Variants in ERI1 observed in about 807,000 individuals in gnomAD.
The protein encoded by ERI1 is exoribonuclease 1, also known as 3'-5' exoribonuclease 1.
ERI1 carries 39 observed loss-of-function variants against 39.7 expected under a neutral mutation model. That is an observed-to-expected ratio of 0.98 (90% confidence interval 0.76 to 1.28). The LOEUF (loss-of-function observed/expected upper bound fraction) is 1.28. ERI1 is among the 50% of genes most tolerant of loss of function. The pLI, the probability that ERI1 is intolerant of heterozygous loss-of-function variation, is 0.00. For synonymous variants in ERI1, 204 were observed against 149.6 expected, an observed-to-expected ratio of 1.36 and a Z score of -2.65; for missense variants, 581 against 416.9, an observed-to-expected ratio of 1.39 and a Z score of -3.43.
chr8:9,045,635 TAA>T (rs1798150065), intron 3 of ERI1, among the ~76,000 whole-genome samples: 1 of 151,848 alleles, frequency 6.6e-6, no homozygotes, highest in Non-Finnish European at 1.5e-5. Flanking sequence ...CTATTTGTAT[TAA>T]AATATAAATA....
intron 3 of ERI1, among the ~76,000 whole-genome samples, chr8:9,085,879 T>C (rs1799508343): frequency 6.6e-6 from 1 of 152,168 alleles, no homozygotes; most frequent in African/African-American, 2.4e-5. Flanking sequence ...AACTTGTTAA[T>C]GGCAGTCTCC....
intron 3 of ERI1, among the ~76,000 whole-genome samples, chr8:9,064,631 G>C (rs1441264752): frequency 6.6e-6 from 1 of 152,214 alleles, no homozygotes; most frequent in Non-Finnish European, 1.5e-5. Context: ...AAGAGAGTAA[G>C]AAGAGGCTGC....
At chr8:9,069,223 C>G (rs1174181841) in intron 3 of ERI1, among the ~76,000 whole-genome samples, 1 of 152,192 alleles carries the variant, frequency 6.6e-6, no homozygotes, top group Non-Finnish European at 1.5e-5. Flanking sequence ...AATTCACAAT[C>G]CCATTAGGAA....
At chr8:9,076,799 C>T (rs901729543) in intron 3 of ERI1, among the ~76,000 whole-genome samples, 4 of 152,236 alleles carry the variant, frequency 2.6e-5, no homozygotes, top group African/African-American at 9.6e-5. Flanking sequence ...TAGGGGGAAG[C>T]GGGGATGTGT....
At chr8:9,051,279 T>C (rs1171527433) in intron 3 of ERI1, among the ~76,000 whole-genome samples, 2 of 152,078 alleles carry the variant, frequency 1.3e-5, no homozygotes, top group Non-Finnish European at 2.9e-5. Context: ...GTGGGGACTC[T>C]GTGGAGTCCT....
At chr8:9,081,232 A>G (rs1420993734) in intron 3 of ERI1, among the ~76,000 whole-genome samples, 2 of 152,218 alleles carry the variant, frequency 1.3e-5, no homozygotes, top group African/African-American at 2.4e-5. Context: ...CTGTTGACAC[A>G]TGGGGATTAC....
At chr8:9,009,002 C>G (rs966940987) in intron 2 of ERI1, 1 of 456,140 alleles carries the variant, frequency 2.2e-6, no homozygotes, top group Middle Eastern at 3.3e-4. Context: ...ATTTTTGACT[C>G]CTATTTCCCC....
At chr8:9,033,456 G>C (rs1797727524), downstream of ERI1, 1 of 152,156 alleles carries the variant, frequency 6.6e-6, no homozygotes, top group Non-Finnish European at 1.5e-5. Flanking sequence ...ACTACTGTCT[G>C]GCCCTTTATG....
intron 3 of ERI1, among the ~76,000 whole-genome samples, chr8:9,041,085 C>G (rs550752427): frequency 1.3e-5 from 2 of 152,232 alleles, no homozygotes; most frequent in East Asian, 1.9e-4. Context: ...CGCTGCACTT[C>G]TGCTCGCCTG....
intron 2 of ERI1, chr8:9,008,914 T>A (rs1165320840): frequency 9.3e-6 from 4 of 430,348 alleles, no homozygotes; most frequent in Non-Finnish European, 1.9e-5. Flanking sequence ...GTATTCTTCC[T>A]CTTTAGAGTT....
At chr8:9,093,167 G>C (rs1017736234) in intron 3 of ERI1, among the ~76,000 whole-genome samples, 1 of 152,162 alleles carries the variant, frequency 6.6e-6, no homozygotes, top group Admixed American at 6.5e-5. Context: ...CCAATCTTTT[G>C]ACTTCCCTGG....
At chr8:9,049,400 A>AC (rs1471540286) in intron 3 of ERI1, among the ~76,000 whole-genome samples, 4 of 151,428 alleles carry the variant, frequency 2.6e-5, no homozygotes, top group Non-Finnish European at 5.9e-5. Flanking sequence ...AATGGTGAAA[A>AC]AAAAATGTCA....
intron 3 of ERI1, among the ~76,000 whole-genome samples, chr8:9,095,934 C>T (rs1799864833): frequency 6.6e-6 from 1 of 152,196 alleles, no homozygotes; most frequent in South Asian, 2.1e-4. Context: ...GCCCTCGCCG[C>T]CTAGCTGCAG....
intron 3 of ERI1, among the ~76,000 whole-genome samples, chr8:9,066,219 C>G (rs995515537): frequency 6.6e-6 from 1 of 152,146 alleles, no homozygotes; most frequent in Non-Finnish European, 1.5e-5. Context: ...CCTCATCTCC[C>G]CATTTTCTTC....
At chr8:9,067,943 C>A (rs919463982) in intron 3 of ERI1, among the ~76,000 whole-genome samples, 12 of 151,630 alleles carry the variant, frequency 7.9e-5, no homozygotes, top group Non-Finnish European at 1.5e-4. Context: ...CACACACACA[C>A]ATATATGTAT....
At position 9,009,650 on chromosome 8, in the gene ERI1, G is replaced by C. The variant is rs538488612; in HGVS notation, c.287+1502G>C. 7.7e-4 allele frequency among the ~76,000 whole-genome samples: 117 copies of C among 151,980 alleles called. 1 individual carries two copies. Among genetic ancestry groups the C allele is most frequent in the South Asian group, 5.2e-3 (25 of 4,810 alleles). ...CGACTCCTGGATTCAAGCGATTCTC[G>C]TGCCTCAGCCTCCTGAGTAGCTCGG... is the stretch of plus-strand genomic sequence containing the variant. On this transcript the variant is annotated intron_variant, in intron 2 of 6. Coordinates refer to ENST00000250263, the MANE Select transcript of ERI1 (RefSeq NM_153332.4).
At chr8:9,051,383 G>C (rs945612913) in intron 3 of ERI1, among the ~76,000 whole-genome samples, 1 of 151,970 alleles carries the variant, frequency 6.6e-6, no homozygotes. Context: ...AGGGCTGGGC[G>C]TGGTGGCTCA....
At chr8:9,005,905 T>C (rs1347491553) in intron 1 of ERI1, among the ~76,000 whole-genome samples, 3 of 152,216 alleles carry the variant, frequency 2.0e-5, no homozygotes, top group Non-Finnish European at 2.9e-5. Flanking sequence ...TGAGATAATA[T>C]AAACCATACA....
At chr8:9,043,697 GTTGT>G (rs2117352778) in intron 3 of ERI1, among the ~76,000 whole-genome samples, 1 of 152,310 alleles carries the variant, frequency 6.6e-6, no homozygotes, top group African/African-American at 2.4e-5. Flanking sequence ...CCATAATTGT[GTTGT>G]TTATTGGAGA....
Sources: gnomAD v4.1 joint callset for allele counts (sites outside exome capture counted in the v4.1 genomes callset) on GRCh38, gnomAD v4.1.1 for gene constraint, MANE v1.5 for transcripts, NCBI Gene and HGNC (gene_info 2026-07-23, HGNC 2026-07-21) for gene names.